Variants in TP73 observed in about 807,000 individuals in gnomAD.
TP73 encodes tumor protein p73.
A neutral mutation model predicts 62.5 loss-of-function variants in TP73; 25 were observed. That is an observed-to-expected ratio of 0.40 (90% CI 0.29 to 0.56). TP73 has a LOEUF of 0.56. Among genes scored for constraint, TP73 ranks in the 20% least tolerant of loss-of-function variants. TP73 has a pLI of 0.46. For synonymous variants in TP73, 423 were observed against 377.5 expected, an observed-to-expected ratio of 1.12 and a Z score of -1.40; for missense variants, 754 against 913.3, an observed-to-expected ratio of 0.83 and a Z score of 2.25.
Position 3,707,612 on chromosome 1 carries a change from C to T in TP73, c.250C>T (p.Pro84Ser), listed in dbSNP as rs772903535. 2 of 1,612,866 alleles carry T rather than the reference C, an allele frequency of 1.2e-6. No individual in the cohort carries two copies. The highest frequency in any genetic ancestry group is 2.2e-5 in the South Asian group (2 of 91,062). Residue 84 changes from proline to serine, a missense_variant, in exon 4 of 14, where the codon CCC becomes TCC. By Grantham distance (74) the Pro-to-Ser change is moderately conservative. This residue lies in a region of TP73 where 235 missense variants were observed against 251.4 expected (regional missense o/e 0.93). Coordinates refer to ENST00000378295, the MANE Select transcript of TP73 (RefSeq NM_005427.4). ...GAGCAGCCGCGCGGCCTCGGCCAGC[C>T]CCTACACCCCAGAGCACGCCGCCAG... ...QMSSRAASASPYTPEHAASVP... is the reference protein window; with the variant it reads ...QMSSRAASASSYTPEHAASVP...
chr1:3,655,807 CCTT>C (rs976390815), intron 1 of TP73, among the ~76,000 whole-genome samples: 7 of 152,128 alleles, frequency 4.6e-5, no homozygotes, highest in Non-Finnish European at 1.0e-4. Context: ...TAGAAGTTTG[CCTT>C]CTTAAGTGGG....
chr1:3,669,717 G>T (rs1645198266), intron 1 of TP73, among the ~76,000 whole-genome samples: 1 of 152,246 alleles, frequency 6.6e-6, no homozygotes, highest in Non-Finnish European at 1.5e-5. Flanking sequence ...CCATGACGTG[G>T]ACGGCAGGAA....
chr1:3,655,712 C>T (rs2101993004), intron 1 of TP73, among the ~76,000 whole-genome samples: 1 of 152,282 alleles, frequency 6.6e-6, no homozygotes, highest in Non-Finnish European at 1.5e-5. Flanking sequence ...CCATGTTCTG[C>T]CCAGATTCCT....
Position 3,696,007 on chromosome 1 carries a change from C to T in TP73, c.187-11542C>T, listed in dbSNP as rs1638622001. ...AGAGCAGGGGTGAAAACGCCGCGGT[C>T]GGCCGTGGCTGTGTTGGAGATGCCC... On this transcript the variant is annotated intron_variant, in intron 3 of 13. Coordinates refer to ENST00000378295, the MANE Select transcript of TP73 (RefSeq NM_005427.4). This position sits in a 1 kb window ranked among gnomAD's most constrained non-coding sequence, Gnocchi z 4.1. 6.6e-6 allele frequency among the ~76,000 whole-genome samples: 1 copy of T among 152,192 alleles called. No homozygotes were observed. Among genetic ancestry groups the T allele is most frequent in the African/African-American group, 2.4e-5 (1 of 41,444 alleles).
rs1645113338 is a variant in TP73 at position 3,666,326 on chromosome 1, T to G, written c.-34+13685T>G. On this transcript the variant is annotated intron_variant, in intron 1 of 13. Transcript: ENST00000378295. This position sits in a 1 kb window ranked among gnomAD's most constrained non-coding sequence, Gnocchi z 6.4. ...CCAGTTAATTTAGTTTTGTTGTTTC[T>G]TGCTTTTAGAGACAGGGTCTTGCTA... Among the ~76,000 whole-genome samples the G allele has an allele frequency of 6.6e-6, 1 of 152,174 alleles. No homozygotes were observed. The highest frequency in any genetic ancestry group is 1.5e-5 in the Non-Finnish European group (1 of 68,020).
At chr1:3,719,001 G>A (rs1640848343) in intron 4 of TP73, among the ~76,000 whole-genome samples, 1 of 152,156 alleles carries the variant, frequency 6.6e-6, no homozygotes, top group Non-Finnish European at 1.5e-5. Context: ...AGAGGCTTGT[G>A]CAGTGGCTAG....
intron 1 of TP73, among the ~76,000 whole-genome samples, chr1:3,653,205 T>G (rs189567364): frequency 1.3e-5 from 2 of 152,340 alleles, no homozygotes; most frequent in East Asian, 3.9e-4. Flanking sequence ...GTTTCGATGG[T>G]TTCCCGAGGG....
At chr1:3,684,013 A>G (rs541406108) in intron 3 of TP73, among the ~76,000 whole-genome samples, 41 of 152,338 alleles carry the variant, frequency 2.7e-4, no homozygotes, top group African/African-American at 9.4e-4. Flanking sequence ...CTCTGGGGGA[A>G]AAGGCCAGGC....
chr1:3,697,463 C>T (rs563750524), intron 3 of TP73, among the ~76,000 whole-genome samples: 2 of 152,374 alleles, frequency 1.3e-5, no homozygotes, highest in South Asian at 2.1e-4. Context: ...TCCCTTCCTG[C>T]AGGCCCGCCT....
intron 3 of TP73, among the ~76,000 whole-genome samples, chr1:3,685,800 T>A (rs1323609292): frequency 3.9e-5 from 6 of 152,212 alleles, no homozygotes; most frequent in Non-Finnish European, 8.8e-5. Context: ...GCTGCTGTGC[T>A]GGGGCTGGGG....
chr1:3,676,393 A>T (rs765844682), intron 1 of TP73, among the ~76,000 whole-genome samples: 4 of 123,388 alleles, frequency 3.2e-5, no homozygotes, highest in Non-Finnish European at 6.6e-5. Flanking sequence ...GGGGACAGGG[A>T]AGGAACCTAT....
chr1:3,663,073 C>G lies in TP73; in HGVS notation c.-34+10432C>G, dbSNP rs1187453569. Among the ~76,000 whole-genome samples the G allele has an allele frequency of 6.6e-6, 1 of 152,160 alleles. No homozygotes were observed. The highest frequency in any genetic ancestry group is 1.5e-5 in the Non-Finnish European group (1 of 68,026). ...ATTATCTGGAAACAGTGATCACTGT[C>G]CCATTCACAGATGGGGAGGCTGAAG... is the stretch of plus-strand genomic sequence containing the variant. On this transcript the variant is annotated intron_variant, in intron 1 of 13. Transcript: ENST00000378295. The surrounding 1 kb of genome is among the most constrained non-coding windows in gnomAD (Gnocchi z 4.7).
intron 13 of TP73, among the ~76,000 whole-genome samples, chr1:3,732,457 G>C (rs949686778): frequency 6.6e-6 from 1 of 152,208 alleles, no homozygotes; most frequent in African/African-American, 2.4e-5. Context: ...CCAGGGGGCA[G>C]GGACATGGAG....
intron 3 of TP73, among the ~76,000 whole-genome samples, chr1:3,702,524 C>T (rs1293198448): frequency 1.3e-5 from 2 of 152,214 alleles, no homozygotes; most frequent in Non-Finnish European, 2.9e-5. Context: ...CAGGTGCACC[C>T]AGGGAGGTCC....
chr1:3,654,350 C>T (rs537578722), intron 1 of TP73, among the ~76,000 whole-genome samples: 20 of 152,186 alleles, frequency 1.3e-4, no homozygotes, highest in African/African-American at 4.1e-4. Context: ...CAGTCCTTCT[C>T]GTGAAAGCTA....
At chr1:3,668,958 G>A (rs573417047) in intron 1 of TP73, among the ~76,000 whole-genome samples, 11 of 152,318 alleles carry the variant, frequency 7.2e-5, no homozygotes, top group Non-Finnish European at 1.6e-4. Flanking sequence ...CTCCAGGCCC[G>A]TCTCCAGCCC....
Position 3,672,308 on chromosome 1 carries a change from AG to A in TP73, c.-33-10023del, listed in dbSNP as rs1645259236. ...TCTGGGGAAAGAAAGAAGATTCTGG[AG>A]GACAGCACAGGCACTTCCAACATGG... On this transcript the variant is annotated intron_variant, in intron 1 of 13. Coordinates refer to ENST00000378295, the MANE Select transcript of TP73 (RefSeq NM_005427.4). This position sits in a 1 kb window ranked among gnomAD's most constrained non-coding sequence, Gnocchi z 5.3. Among the ~76,000 whole-genome samples, 2 of 152,100 alleles carry A rather than the reference AG, an allele frequency of 1.3e-5. No homozygotes were observed. The highest frequency in any genetic ancestry group is 1.3e-4 in the Admixed American group (2 of 15,282).
At chr1:3,710,494 G>A (rs534248640) in intron 4 of TP73, among the ~76,000 whole-genome samples, 5 of 152,288 alleles carry the variant, frequency 3.3e-5, no homozygotes, top group South Asian at 4.1e-4. Context: ...CTGTGCTTGC[G>A]TCCGGCCTCT....
chr1:3,707,151 C>G (rs1165705431), intron 3 of TP73, among the ~76,000 whole-genome samples: 1 of 152,210 alleles, frequency 6.6e-6, no homozygotes. Context: ...TGCCTGGCTC[C>G]CTGGGGCTGG....
Sources: gnomAD v4.1 joint callset for allele counts (sites outside exome capture counted in the v4.1 genomes callset) on GRCh38, gnomAD v4.1.1 for gene constraint, gnomAD v4.1.1 regional missense constraint, Gnocchi (gnomAD v3.1) non-coding constraint, MANE v1.5 for transcripts, NCBI Gene and HGNC (gene_info 2026-07-23, HGNC 2026-07-21) for gene names.